STX8: variants seen among roughly 807,000 people sequenced by gnomAD.
The protein encoded by STX8 is syntaxin-8.
Under a neutral mutation model 37.5 loss-of-function variants are expected in STX8, and 23 were observed. The observed-to-expected ratio is 0.61, with a 90% CI of 0.44 to 0.87. The LOEUF (loss-of-function observed/expected upper bound fraction) is 0.87, where lower values mean the gene tolerates loss of function less well. Ranked by LOEUF, STX8 falls within the 40% of genes least tolerant of loss-of-function variation. The pLI is 0.00. For synonymous variants in STX8, 115 were observed against 99.1 expected, an observed-to-expected ratio of 1.16 and a Z score of -0.95; for missense variants, 313 against 284.7, an observed-to-expected ratio of 1.10 and a Z score of -0.71.
chr17:9,253,908 A>G (rs1754487960), intron 7 of STX8, among the ~76,000 whole-genome samples: 1 of 152,210 alleles, frequency 6.6e-6, no homozygotes, highest in Admixed American at 6.5e-5. Flanking sequence ...GTTTTGGTTC[A>G]TACACCCGGA....
At chr17:9,316,967 G>A (rs1909403892) in intron 7 of STX8, among the ~76,000 whole-genome samples, 2 of 152,236 alleles carry the variant, frequency 1.3e-5, no homozygotes, top group Admixed American at 6.5e-5. Flanking sequence ...AGCATTGCGG[G>A]TGAGGAGAGT....
chr17:9,519,943 T>A (rs759062660), intron 4 of STX8, among the ~76,000 whole-genome samples: 1 of 152,158 alleles, frequency 6.6e-6, no homozygotes, highest in Non-Finnish European at 1.5e-5. Flanking sequence ...GGTATTCCCA[T>A]GGTGCTATGT....
chr17:9,495,478 A>G (rs1011849816), intron 5 of STX8, among the ~76,000 whole-genome samples: 1 of 152,224 alleles, frequency 6.6e-6, no homozygotes, highest in African/African-American at 2.4e-5. Flanking sequence ...CACAGTTTCC[A>G]TTAGGAAAAG....
chr17:9,440,200 A>G (rs1234400619), intron 6 of STX8, among the ~76,000 whole-genome samples: 3 of 152,146 alleles, frequency 2.0e-5, no homozygotes, highest in East Asian at 1.9e-4. Context: ...TTTAAGAAAC[A>G]TGGAATCGGA....
At chr17:9,365,636 T>C (rs1911206218) in intron 7 of STX8, among the ~76,000 whole-genome samples, 1 of 152,210 alleles carries the variant, frequency 6.6e-6, no homozygotes, top group Non-Finnish European at 1.5e-5. Context: ...AGAAAAGTTA[T>C]CAAGGAAAAG....
intron 7 of STX8, among the ~76,000 whole-genome samples, chr17:9,359,724 G>T (rs1183214006): frequency 6.6e-6 from 1 of 151,976 alleles, no homozygotes; most frequent in Non-Finnish European, 1.5e-5. Flanking sequence ...TAGCCAGGAT[G>T]GTCTCGATCT....
At chr17:9,368,748 C>T (rs1039902882) in intron 7 of STX8, among the ~76,000 whole-genome samples, 1 of 152,116 alleles carries the variant, frequency 6.6e-6, no homozygotes, top group Non-Finnish European at 1.5e-5. Context: ...ACTTACCAAA[C>T]TCAGAAGCAG....
intron 7 of STX8, among the ~76,000 whole-genome samples, chr17:9,353,387 G>A (rs981321381): frequency 6.6e-6 from 1 of 152,178 alleles, no homozygotes; most frequent in Non-Finnish European, 1.5e-5. Context: ...TAGAAACCAA[G>A]AACTGGGTGT....
At chr17:9,309,967 T>C (rs1352622795) in intron 7 of STX8, among the ~76,000 whole-genome samples, 1 of 152,270 alleles carries the variant, frequency 6.6e-6, no homozygotes, top group African/African-American at 2.4e-5. Context: ...AAGTATTTCC[T>C]ATAGCAAATA....
At chr17:9,352,998 C>A (rs893006232) in intron 7 of STX8, among the ~76,000 whole-genome samples, 1 of 148,834 alleles carries the variant, frequency 6.7e-6, no homozygotes, top group Admixed American at 6.7e-5. Flanking sequence ...CTCAAGTGAT[C>A]CTCCTGCCTC....
At chr17:9,550,473 C>A (rs369671837) in intron 3 of STX8, among the ~76,000 whole-genome samples, 1 of 151,638 alleles carries the variant, frequency 6.6e-6, no homozygotes, top group East Asian at 1.9e-4. Flanking sequence ...ACTCGGGAGG[C>A]TAAGGCAGGA....
chr17:9,402,260 C>T lies in STX8; in HGVS notation c.542-23607G>A, dbSNP rs921950124. On this transcript the variant is annotated intron_variant, in intron 6 of 7. Coordinates refer to ENST00000306357, the MANE Select transcript of STX8 (RefSeq NM_004853.3). ...TCAGCCTCCTGAGTAGCTGGAATTA[C>T]AGGCATGCACCACCATGTCTGGCAA... is the stretch of plus-strand genomic sequence containing the variant. 3.9e-5 allele frequency among the ~76,000 whole-genome samples: 6 copies of T among 152,176 alleles called. No homozygotes were observed. The East Asian group carries it at 5.8e-4, about 15-fold the overall frequency.
chr17:9,518,829 A>G (rs1055588744), intron 4 of STX8, among the ~76,000 whole-genome samples: 1 of 151,160 alleles, frequency 6.6e-6, no homozygotes, highest in Admixed American at 6.6e-5. Flanking sequence ...AGATCGTGCC[A>G]CTGCACTCCA....
chr17:9,380,563 T>A (rs73257815), intron 6 of STX8, among the ~76,000 whole-genome samples: 1,631 of 151,994 alleles, frequency 0.011, 31 homozygotes, highest in African/African-American at 0.036. Context: ...CTGAATTTCT[T>A]ACAGTGAGCC....
chr17:9,266,272 G>T (rs991342504), intron 7 of STX8, among the ~76,000 whole-genome samples: 2 of 152,280 alleles, frequency 1.3e-5, no homozygotes, highest in African/African-American at 4.8e-5. Context: ...CCAGAACAGG[G>T]GTGCCCCAGC....
chr17:9,354,230 G>A (rs967224548), intron 7 of STX8, among the ~76,000 whole-genome samples: 6 of 151,594 alleles, frequency 4.0e-5, no homozygotes, highest in Non-Finnish European at 8.8e-5. Flanking sequence ...CGTTATCATG[G>A]CTATGTTTGT....
At chr17:9,396,742 T>C (rs1049196498) in intron 6 of STX8, among the ~76,000 whole-genome samples, 1 of 149,746 alleles carries the variant, frequency 6.7e-6, no homozygotes, top group South Asian at 2.1e-4. Flanking sequence ...CTCTATATGA[T>C]ACTGTAAAGA....
intron 7 of STX8, among the ~76,000 whole-genome samples, chr17:9,372,877 G>T (rs1911457901): frequency 6.6e-6 from 1 of 150,508 alleles, no homozygotes; most frequent in African/African-American, 2.4e-5. Flanking sequence ...GCTGAGGTGG[G>T]CAGATCACCT....
chr17:9,461,265 G>A (rs753287881), intron 6 of STX8: 3 of 152,118 alleles, frequency 2.0e-5, no homozygotes, highest in Non-Finnish European at 4.4e-5. Flanking sequence ...ACCCCACAGC[G>A]GGAGGGGATG....
Sources: allele counts gnomAD v4.1 joint callset (sites outside exome capture counted in the v4.1 genomes callset), GRCh38; gene constraint gnomAD v4.1.1; transcripts MANE v1.5; gene names NCBI Gene and HGNC (gene_info 2026-07-23, HGNC 2026-07-21).